The following ARID1A variants were observed in gnomAD, a reference collection of about 807,000 sequenced individuals.
ARID1A encodes AT-rich interactive domain-containing protein 1A.
ARID1A carries 20 observed loss-of-function variants against 212.6 expected under a neutral mutation model. The observed-to-expected ratio is 0.09, with a 90% CI of 0.07 to 0.14. The LOEUF (loss-of-function observed/expected upper bound fraction) is 0.14, where lower values mean the gene tolerates loss of function less well. Among genes scored for constraint, ARID1A ranks in the 10% least tolerant of loss-of-function variants. The pLI is 1.00. For synonymous variants in ARID1A, 1,376 were observed against 1,222.1 expected (o/e 1.13, Z -2.63); for missense variants, 2,587 against 3,059.0 (o/e 0.85, Z 3.64).
chr1:26,775,360 A>G, intron 18 of ARID1A, 140 bp downstream of exon 18: 1 of 1,424,870 alleles, frequency 7.0e-7, no homozygotes, highest in Non-Finnish European at 9.2e-7. Context: ...TGGAAAAGGA[A>G]GAAATAAGCT....
intron 4 of ARID1A, among the ~76,000 whole-genome samples, chr1:26,747,412 TGA>T (rs1381352470): frequency 1.3e-5 from 2 of 152,216 alleles, no homozygotes; most frequent in East Asian, 3.8e-4. Context: ...GGCTTAATCT[TGA>T]GAGTCAGCGA....
rs185789263 is a variant in ARID1A at position 26,705,708 on chromosome 1, G to T, written c.1137+8168G>T. ...GTGAATATTGACTTAGTAGCCTTGA[G>T]TATTCTTCCTGAAATTACCCCTCCT... is the stretch of plus-strand genomic sequence containing the variant. On this transcript the variant is annotated intron_variant, in intron 1 of 19. Coordinates refer to ENST00000324856, the MANE Select transcript of ARID1A (RefSeq NM_006015.6). Among the ~76,000 whole-genome samples, 4 of 152,276 alleles carry T rather than the reference G, an allele frequency of 2.6e-5. No homozygotes were observed. The South Asian group carries it at 8.3e-4, about 32-fold the overall frequency.
intron 1 of ARID1A, among the ~76,000 whole-genome samples, chr1:26,698,012 GCTCGAGGGGAC>G (rs915191569): frequency 1.2e-4 from 18 of 152,132 alleles, no homozygotes; most frequent in South Asian, 2.1e-4. Context: ...GGCCCCTAGA[GCTCGAGGGGAC>G]CTCGAGGGGA....
chr1:26,697,800 G>A (rs1409509898), intron 1 of ARID1A, among the ~76,000 whole-genome samples: 3 of 139,890 alleles, frequency 2.1e-5, no homozygotes, highest in African/African-American at 5.3e-5. Flanking sequence ...AACTCCAGGG[G>A]TCTTGATGGG....
rs1234639932 is a variant in ARID1A at position 26,696,758 on chromosome 1, G to A, written c.355G>A (p.Glu119Lys). The A allele has an allele frequency of 8.9e-6, 12 of 1,355,380 alleles. No homozygotes were observed. Among genetic ancestry groups the A allele is most frequent in the African/African-American group, 7.7e-5 (5 of 64,842 alleles). 84.0% of individuals were successfully genotyped at this position (1,355,380 alleles called of 1,614,324 possible). Residue 119 changes from glutamate (E) to lysine (K), a missense_variant, in exon 1 of 20, where the codon GAG (glutamate) becomes AAG (lysine). Around this residue, in one of 11 missense-constraint regions of ARID1A, gnomAD observed 735 missense variants for 590.6 expected, o/e 1.24. Coordinates refer to ENST00000324856, the MANE Select transcript of ARID1A (RefSeq NM_006015.6). Reference sequence around the variant, plus strand: ...GCCCGCCCTGAACAATAACCTCACGGAGCCGCCCGGCGGCGGCGGTGGCGG... The same window carrying A: ...GCCCGCCCTGAACAATAACCTCACGAAGCCGCCCGGCGGCGGCGGTGGCGG... Reference protein sequence around the residue: ...PRPALNNNLTEPPGGGGGGSS... With the variant: ...PRPALNNNLTKPPGGGGGGSS...
At chr1:26,712,366 C>G (rs1034240983) in intron 1 of ARID1A, among the ~76,000 whole-genome samples, 3 of 152,088 alleles carry the variant, frequency 2.0e-5, no homozygotes, top group African/African-American at 7.2e-5. Flanking sequence ...CCTTGTGTCT[C>G]TTCTTGTGAA....
At position 26,731,530 on chromosome 1, in the gene ARID1A, G is replaced by A. The variant is rs747383681; in HGVS notation, c.1729G>A (p.Ala577Thr). The change falls in exon 3 of 20, where the codon GCT (alanine) becomes ACT (threonine). Residue 577 changes from alanine to threonine, a missense_variant. This residue lies in a region of ARID1A where 674 missense variants were observed against 813.4 expected (regional missense o/e 0.83). Coordinates refer to ENST00000324856, the MANE Select transcript of ARID1A (RefSeq NM_006015.6). ...QPAPSTLSQQ[A>T]AYPQPQSQQS... ...AGCACCCTCGACGCTCTCCCAGCAG[G>A]CTGCGTATCCTCAGCCCCAGTCTCA... The A allele has an allele frequency of 1.9e-6, 3 of 1,614,018 alleles. No individual in the cohort carries two copies. In the South Asian group the frequency reaches 3.3e-5, roughly 18 times the overall value.
intron 10 of ARID1A, among the ~76,000 whole-genome samples, chr1:26,767,193 C>T (rs889089846): frequency 2.0e-5 from 3 of 152,334 alleles, no homozygotes; most frequent in South Asian, 4.1e-4. Flanking sequence ...TGAGTCTTCA[C>T]CTCTGGCTCC....
rs772939817 is a variant in ARID1A at position 26,774,564 on chromosome 1, G to A, written c.4337G>A (p.Arg1446Gln). The A allele has an allele frequency of 6.8e-6, 11 of 1,613,996 alleles. No individual in the cohort carries two copies. The highest frequency in any genetic ancestry group is 2.2e-5 in the South Asian group (2 of 91,066). The change falls in exon 18 of 20, where the codon CGA (arginine) becomes CAA (glutamine). Residue 1446 changes from arginine to glutamine, a missense_variant. By Grantham distance (43) the Arg-to-Gln change is conservative. Transcript: ENST00000324856. The surrounding 1 kb of genome is among the most constrained non-coding windows in gnomAD (Gnocchi z 5.6). ...PATATAATERRPAGGPQNQFP... is the reference protein window; with the variant it reads ...PATATAATERQPAGGPQNQFP... The stretch of plus-strand genomic sequence containing the variant: ...ACTGCCACAGCTGCTACTGAGCGCC[G>A]ACCAGCAGGCGGCCCCCAGAACCAA...
chr1:26,761,826 C>T (rs2080995259), intron 6 of ARID1A, among the ~76,000 whole-genome samples: 1 of 152,100 alleles, frequency 6.6e-6, no homozygotes, highest in Admixed American at 6.6e-5. Flanking sequence ...GATGGTTGCC[C>T]CCTTACATTT....
At chr1:26,772,782 G>A (rs2124106227) in intron 13 of ARID1A, 30 bp from the exon 14 acceptor site, 1 of 1,609,056 alleles carries the variant, frequency 6.2e-7, no homozygotes, top group Non-Finnish European at 8.5e-7. Flanking sequence ...TGGTTTATTT[G>A]TGGTTTACTT....
At chr1:26,713,391 C>T (rs959862925) in intron 1 of ARID1A, among the ~76,000 whole-genome samples, 6 of 145,016 alleles carry the variant, frequency 4.1e-5, no homozygotes, top group Non-Finnish European at 9.0e-5. Flanking sequence ...CAGAGTCTTG[C>T]TTTGTTGCGC....
rs747693064 is a variant in ARID1A at position 26,762,251 on chromosome 1, G to T, written c.2351G>T (p.Gly784Val). ...RQPSGGQIHT[G>V]MGSYQQNSMG... The stretch of plus-strand genomic sequence containing the variant: ...CCTTCCGGAGGACAGATACACACAG[G>T]CATGGGCTCCTACCAGCAGAACTCC... Residue 784 changes from glycine to valine, a missense_variant, in exon 7 of 20, where the codon GGC (glycine) becomes GTC (valine). By Grantham distance (109) the Gly-to-Val change is moderately radical (BLOSUM62 -3). This residue lies in a region of ARID1A where 674 missense variants were observed against 813.4 expected (regional missense o/e 0.83). Transcript: ENST00000324856. The T allele has an allele frequency of 3.7e-6, 6 of 1,614,048 alleles. No homozygotes were observed. The highest frequency in any genetic ancestry group is 1.3e-5 in the African/African-American group (1 of 74,888).
chr1:26,765,700 A>G (rs2081033190), intron 8 of ARID1A: 2 of 152,188 alleles, frequency 1.3e-5, no homozygotes, highest in South Asian at 4.1e-4. Context: ...GCCCATCTCT[A>G]CTAAAAATAC....
chr1:26,763,047 A>G lies in ARID1A; in HGVS notation c.2494A>G (p.Ile832Val). The G allele has an allele frequency of 6.2e-7, 1 of 1,614,172 alleles. No individual in the cohort carries two copies. The highest frequency in any genetic ancestry group is 8.5e-7 in the Non-Finnish European group (1 of 1,179,962). The change falls in exon 8 of 20, where the codon ATA becomes GTA. Residue 832 changes from isoleucine (I) to valine (V), a missense_variant. Physicochemically the swap from Ile to Val is conservative, Grantham distance 29 (BLOSUM62 3). Transcript: ENST00000324856. The stretch of plus-strand genomic sequence containing the variant: ...CCCCAGTGCAGGCATGGCTGGAGGC[A>G]TAAACCCCATGGGTGCCGGAGGTCA... ...NYPSAGMAGG[I>V]NPMGAGGQMH...
intron 1 of ARID1A, among the ~76,000 whole-genome samples, chr1:26,712,131 C>T (rs1406119557): frequency 6.6e-6 from 1 of 151,978 alleles, no homozygotes; most frequent in African/African-American, 2.4e-5. Flanking sequence ...CAAGTATGGC[C>T]AATACAGTAC....
rs2124744647 is a variant in ARID1A, at chr1:26,697,394, G to A, written c.991G>A (p.Asp331Asn). 3.8e-6 allele frequency: 5 copies of A among 1,328,114 alleles called. No individual in the cohort carries two copies. Among genetic ancestry groups the A allele is most frequent in the Non-Finnish European group, 4.8e-6 (5 of 1,048,054 alleles). 82.3% of individuals were successfully genotyped at this position (1,328,114 alleles called of 1,614,324 possible). Residue 331 changes from aspartate to asparagine, a missense_variant, in exon 1 of 20, where the codon GAC becomes AAC. Physicochemically the swap from Asp to Asn is conservative, Grantham distance 23. This residue lies in a region of ARID1A where 735 missense variants were observed against 590.6 expected (regional missense o/e 1.24). Transcript: ENST00000324856. ...CGGGGGCGCCGGCAAGGGCCCGGCG[G>A]ACATGGCCTCGCAGTGTTGGGGGGC... ...QDGGAGKGPA[D>N]MASQCWGAAA...
intron 2 of ARID1A, among the ~76,000 whole-genome samples, chr1:26,730,534 T>C (rs562610006): frequency 1.1e-4 from 16 of 152,368 alleles, no homozygotes; most frequent in African/African-American, 3.6e-4. Context: ...GCCTTTAATA[T>C]AGAAAATTGT....
At chr1:26,737,089 C>T (rs1370943150) in intron 4 of ARID1A, among the ~76,000 whole-genome samples, 9 of 151,888 alleles carry the variant, frequency 5.9e-5, no homozygotes, top group Non-Finnish European at 1.2e-4. Context: ...GAGCATTTTG[C>T]CAATGCCCTC....
Sources: gnomAD v4.1 joint callset for allele counts (sites outside exome capture counted in the v4.1 genomes callset) on GRCh38, gnomAD v4.1.1 for gene constraint, gnomAD v4.1.1 regional missense constraint, Gnocchi (gnomAD v3.1) non-coding constraint, MANE v1.5 for transcripts, NCBI Gene and HGNC (gene_info 2026-07-23, HGNC 2026-07-21) for gene names.